Variants in EDARADD observed in about 807,000 individuals in gnomAD.
EDARADD encodes the protein EDAR associated via death domain, also known as ectodysplasin-A receptor-associated adapter protein.
Under a neutral mutation model 25.6 loss-of-function variants are expected in EDARADD, and 20 were observed. That is an observed-to-expected ratio of 0.78 (90% CI 0.55 to 1.14). The LOEUF is 1.14. Ranked by LOEUF, EDARADD falls within the 50% of genes most tolerant of loss-of-function variation. EDARADD has a pLI of 0.00. For missense variants in EDARADD, 225 were observed against 270.1 expected (o/e 0.83, Z 1.17); for synonymous variants, 86 against 94.4 (o/e 0.91, Z 0.52).
intron 4 of EDARADD, among the ~76,000 whole-genome samples, chr1:236,454,954 G>C (rs1658815684): frequency 1.3e-5 from 2 of 152,252 alleles, no homozygotes; most frequent in African/African-American, 4.8e-5. Context: ...GCTCACGCCT[G>C]TAATCCCAGC....
chr1:236,375,755 T>G (rs1667217483), intron 3 of EDARADD, among the ~76,000 whole-genome samples: 1 of 150,934 alleles, frequency 6.6e-6, no homozygotes, highest in African/African-American at 2.4e-5. Context: ...AGATTAGTGT[T>G]GCATGCCTGT....
intron 1 of EDARADD, among the ~76,000 whole-genome samples, chr1:236,400,224 G>A (rs1451180615): frequency 1.3e-5 from 2 of 152,030 alleles, no homozygotes; most frequent in South Asian, 2.1e-4. Context: ...CTCTACCCAA[G>A]CATTTTCCCT....
chr1:236,462,494 C>G (rs1342502585), intron 4 of EDARADD, among the ~76,000 whole-genome samples: 3 of 152,054 alleles, frequency 2.0e-5, no homozygotes, highest in Non-Finnish European at 4.4e-5. Context: ...ATCCGTGTCT[C>G]CCGTCACATC....
chr1:236,471,269 C>T (rs374351415), intron 5 of EDARADD, among the ~76,000 whole-genome samples: 7 of 152,066 alleles, frequency 4.6e-5, no homozygotes, highest in South Asian at 2.1e-4. Flanking sequence ...AGAGATCAAA[C>T]GCCCACCAAA....
chr1:236,454,834 T>G (rs1281846949), intron 4 of EDARADD, among the ~76,000 whole-genome samples: 1 of 152,194 alleles, frequency 6.6e-6, no homozygotes, highest in Non-Finnish European at 1.5e-5. Flanking sequence ...TCCACAGTTC[T>G]GAATGATACT....
At chr1:236,479,585 C>CT (rs1002565290) in intron 5 of EDARADD, among the ~76,000 whole-genome samples, 44 of 150,572 alleles carry the variant, frequency 2.9e-4, no homozygotes, top group East Asian at 1.2e-3. Flanking sequence ...AGTCTTTAGA[C>CT]TTTTTTTTTG....
intron 4 of EDARADD, among the ~76,000 whole-genome samples, chr1:236,443,121 C>A (rs541604734): frequency 2.0e-5 from 3 of 152,306 alleles, no homozygotes; most frequent in African/African-American, 7.2e-5. Context: ...TCAGTAGAGT[C>A]CCCACCGGCA....
At chr1:236,436,364 A>G (rs1005847253) in intron 4 of EDARADD, among the ~76,000 whole-genome samples, 4 of 151,940 alleles carry the variant, frequency 2.6e-5, no homozygotes, top group Non-Finnish European at 4.4e-5. Flanking sequence ...GTCTCACCAT[A>G]TCGGCCAGAC....
At chr1:236,449,958 G>A (rs1326136697) in intron 4 of EDARADD, among the ~76,000 whole-genome samples, 2 of 152,106 alleles carry the variant, frequency 1.3e-5, no homozygotes, top group Non-Finnish European at 2.9e-5. Flanking sequence ...AAAATTAGCC[G>A]GGTGTAGTGG....
intron 1 of EDARADD, among the ~76,000 whole-genome samples, chr1:236,396,261 G>A (rs1030596961): frequency 6.6e-6 from 1 of 152,096 alleles, no homozygotes; most frequent in African/African-American, 2.4e-5. Flanking sequence ...GTTGGTACCC[G>A]AGGTCGGAGT....
In EDARADD at chr1:236,469,642, G is replaced by A. The variant is rs556216906; in HGVS notation, c.265+1366G>A. Among the ~76,000 whole-genome samples, 9 of 152,216 alleles carry A rather than the reference G, an allele frequency of 5.9e-5. No individual in the cohort carries two copies. In the South Asian group the frequency reaches 1.7e-3, roughly 28 times the overall value. ...GAGCCCTCAGGGGCAGCTATCATCA[G>A]CCCAGGTAACCAAGCTGAAAAACCA... On this transcript the variant is annotated intron_variant, in intron 5 of 5. Coordinates refer to ENST00000334232, the MANE Select transcript of EDARADD (RefSeq NM_145861.4).
chr1:236,432,561 A>G (rs1316998976), intron 4 of EDARADD, among the ~76,000 whole-genome samples: 1 of 152,180 alleles, frequency 6.6e-6, no homozygotes, highest in Admixed American at 6.5e-5. Flanking sequence ...TTGGATTACA[A>G]AACAAGTTTT....
intron 3 of EDARADD, among the ~76,000 whole-genome samples, chr1:236,383,212 T>C (rs2120958): frequency 0.039 from 5,968 of 152,034 alleles, 143 homozygotes; most frequent in African/African-American, 0.064. Context: ...CTGGCCAACA[T>C]AGAGAAACCC....
At chr1:236,448,665 C>T (rs764022397) in intron 4 of EDARADD, among the ~76,000 whole-genome samples, 36 of 152,284 alleles carry the variant, frequency 2.4e-4, no homozygotes, top group Non-Finnish European at 4.3e-4. Context: ...ATAGGTGCTC[C>T]GGTGCCAGCA....
chr1:236,410,937 C>T (rs537601666), intron 2 of EDARADD, among the ~76,000 whole-genome samples: 2 of 152,210 alleles, frequency 1.3e-5, no homozygotes, highest in South Asian at 2.1e-4. Context: ...CAAAATGGAA[C>T]GAAGAACAAC....
At chr1:236,406,629 A>T (rs1230814358) in intron 1 of EDARADD, among the ~76,000 whole-genome samples, 2 of 152,218 alleles carry the variant, frequency 1.3e-5, no homozygotes, top group Non-Finnish European at 2.9e-5. Flanking sequence ...TCTAATCTTT[A>T]TGGGACCACC....
chr1:236,440,487 C>T (rs1460907706), intron 4 of EDARADD, among the ~76,000 whole-genome samples: 1 of 151,978 alleles, frequency 6.6e-6, no homozygotes, highest in Admixed American at 6.6e-5. Flanking sequence ...ACATTGAGCC[C>T]TCCTATTTAT....
chr1:236,469,367 G>A (rs902434630), intron 5 of EDARADD, among the ~76,000 whole-genome samples: 4 of 152,076 alleles, frequency 2.6e-5, no homozygotes, highest in Non-Finnish European at 4.4e-5. Flanking sequence ...TGAGCTACTC[G>A]GGAGGCTGAG....
chr1:236,377,773 G>A (rs551899819), intron 3 of EDARADD, among the ~76,000 whole-genome samples: 7 of 151,740 alleles, frequency 4.6e-5, no homozygotes, highest in African/African-American at 1.7e-4. Flanking sequence ...CAGGAGAATC[G>A]CTTGAACCCG....
Sources: allele counts gnomAD v4.1 joint callset (sites outside exome capture counted in the v4.1 genomes callset), GRCh38; gene constraint gnomAD v4.1.1; transcripts MANE v1.5; gene names NCBI Gene and HGNC (gene_info 2026-07-23, HGNC 2026-07-21).